Variants in SMOC2 observed in about 807,000 individuals in gnomAD.
SMOC2 encodes the protein SPARC-related modular calcium-binding protein 2.
In SMOC2, 39 loss-of-function variants were observed where a neutral mutation model predicts 61.4. The ratio of observed to expected loss-of-function variants is 0.64; its 90% confidence interval spans 0.49 to 0.83. The LOEUF (loss-of-function observed/expected upper bound fraction) is 0.83. Ranked by LOEUF, SMOC2 falls within the 40% of genes least tolerant of loss-of-function variation. SMOC2 has a pLI of 0.00. For synonymous variants in SMOC2, 247 were observed against 239.9 expected, an observed-to-expected ratio of 1.03 and a Z score of -0.27; for missense variants, 556 against 592.9, an observed-to-expected ratio of 0.94 and a Z score of 0.65.
At chr6:168,584,136 G>A (rs953254040) in intron 7 of SMOC2, among the ~76,000 whole-genome samples, 2 of 152,186 alleles carry the variant, frequency 1.3e-5, no homozygotes, top group Admixed American at 6.5e-5. Flanking sequence ...GGAAGCAGGC[G>A]ATTAAGAAGT....
chr6:168,650,471 G>A lies in SMOC2; in HGVS notation c.908-210G>A, dbSNP rs2281687. On this transcript the variant is annotated intron_variant, in intron 9 of 12. Coordinates refer to ENST00000356284, the MANE Select transcript of SMOC2 (RefSeq NM_001166412.2). The stretch of plus-strand genomic sequence containing the variant: ...TAATGCCTGTGAATTTTAGTCTCAC[G>A]TAATAATTCAAACAATAGAGGAATT... Among the ~76,000 whole-genome samples, 47,871 of 152,046 alleles carry A rather than the reference G, an allele frequency of 0.31. 7,498 individuals are homozygous for A. The highest frequency in any genetic ancestry group is 0.43 in the East Asian group (2,209 of 5,162).
At position 168,535,535 on chromosome 6, in the gene SMOC2, G is replaced by A. The variant is rs1028454373; in HGVS notation, c.463+7808G>A. Among the ~76,000 whole-genome samples the A allele has an allele frequency of 2.0e-5, 3 of 152,086 alleles. No homozygotes were observed. The highest frequency in any genetic ancestry group is 2.9e-5 in the Non-Finnish European group (2 of 68,030). ...ATTCAGAACATTCCTTTTATCAGAT[G>A]CACCTCAAATCAGGAATCCCAACTG... On this transcript the variant is annotated intron_variant, in intron 4 of 12. Coordinates refer to ENST00000356284, the MANE Select transcript of SMOC2 (RefSeq NM_001166412.2). The surrounding 1 kb of genome is among the most constrained non-coding windows in gnomAD (Gnocchi z 4.6).
intron 1 of SMOC2, among the ~76,000 whole-genome samples, chr6:168,456,682 CAG>C (rs1178678987): frequency 6.6e-6 from 1 of 152,222 alleles, no homozygotes; most frequent in African/African-American, 2.4e-5. Context: ...AGGCTGATCT[CAG>C]AGAAGCCTCC....
At chr6:168,504,268 A>G (rs1260451058) in intron 1 of SMOC2, among the ~76,000 whole-genome samples, 4 of 151,778 alleles carry the variant, frequency 2.6e-5, no homozygotes, top group Admixed American at 6.6e-5. Context: ...TGATTCAAGC[A>G]TGTTACATTT....
In SMOC2 at chr6:168,615,138, G is replaced by C. The variant is rs1421201702; in HGVS notation, c.907+6899G>C. Among the ~76,000 whole-genome samples, 34 of 13,696 alleles carry C rather than the reference G, an allele frequency of 2.5e-3. 5 individuals carry two copies. The highest frequency in any genetic ancestry group is 8.2e-3 in the African/African-American group (33 of 4,040). 9.0% of individuals were successfully genotyped at this position (13,696 alleles called of 152,430 possible). A position where few individuals can be genotyped will look rare whatever the true frequency, so the allele number is the denominator to read the frequency against. On this transcript the variant is annotated intron_variant, in intron 9 of 12. Coordinates refer to ENST00000356284, the MANE Select transcript of SMOC2 (RefSeq NM_001166412.2). ...GGGGGCCTCTTTACATCTACAGCCA[G>C]CACAGGGGGCCTCTTCACACCTACA...
chr6:168,527,594 C>T (rs993066387), intron 3 of SMOC2, 34 bp from the exon 4 acceptor site: 12 of 1,498,160 alleles, frequency 8.0e-6, no homozygotes, highest in Admixed American at 3.9e-5. Flanking sequence ...GCCACGGGCC[C>T]GGGAGGGCTT....
intron 7 of SMOC2, among the ~76,000 whole-genome samples, chr6:168,587,122 G>C (rs934041500): frequency 6.6e-6 from 1 of 152,210 alleles, no homozygotes; most frequent in Non-Finnish European, 1.5e-5. Context: ...TTTGCATTTA[G>C]GGTATAATGC....
Position 168,443,729 on chromosome 6 carries a change from A to T in SMOC2, c.84+2275A>T, listed in dbSNP as rs1220498320. Among the ~76,000 whole-genome samples, 4 of 152,118 alleles carry T rather than the reference A, an allele frequency of 2.6e-5. No homozygotes were observed. The South Asian group carries it at 8.3e-4, about 32-fold the overall frequency. On this transcript the variant is annotated intron_variant, in intron 1 of 12. Transcript: ENST00000356284. ...TTTTGGAAATCTCTTTTGTCTCCGG[A>T]GGCCCTCATTCAAAGAAGGGCCTTC...
At chr6:168,605,667 C>T (rs931388389) in intron 8 of SMOC2, among the ~76,000 whole-genome samples, 7 of 152,158 alleles carry the variant, frequency 4.6e-5, no homozygotes, top group African/African-American at 1.7e-4. Context: ...GGCTGGCTTC[C>T]TGATTGCTTC....
intron 2 of SMOC2, among the ~76,000 whole-genome samples, chr6:168,516,964 G>T (rs1036911421): frequency 1.3e-5 from 2 of 152,142 alleles, no homozygotes; most frequent in East Asian, 3.9e-4. Flanking sequence ...AAGAAAAAAG[G>T]TTACTGCCAC....
At chr6:168,490,279 A>G (rs1016677120) in intron 1 of SMOC2, among the ~76,000 whole-genome samples, 3 of 149,080 alleles carry the variant, frequency 2.0e-5, no homozygotes, top group Admixed American at 1.3e-4. Flanking sequence ...GAAATATATC[A>G]AATCGTCTGG....
intron 4 of SMOC2, among the ~76,000 whole-genome samples, chr6:168,533,584 A>G (rs1783661493): frequency 6.6e-6 from 1 of 152,162 alleles, no homozygotes; most frequent in Non-Finnish European, 1.5e-5. Flanking sequence ...TTGGTCTCCA[A>G]TGTCTCTGAA....
intron 7 of SMOC2, among the ~76,000 whole-genome samples, chr6:168,595,458 C>T (rs1029967665): frequency 1.8e-4 from 27 of 152,224 alleles, no homozygotes; most frequent in South Asian, 6.2e-4. Flanking sequence ...GAACCACCCC[C>T]GTCAGCTCTG....
chr6:168,666,755 C>T lies in SMOC2; in HGVS notation c.*317C>T, dbSNP rs918403865. 4 of 322,006 alleles carry T rather than the reference C, an allele frequency of 1.2e-5. No homozygotes were observed. Among genetic ancestry groups the T allele is most frequent in the East Asian group, 1.2e-4 (2 of 17,228 alleles). 19.9% of individuals were successfully genotyped at this position (322,006 alleles called of 1,614,324 possible). A position where few individuals can be genotyped will look rare whatever the true frequency, so the allele number is the denominator to read the frequency against. ...GTTAACAGTAGAGCTCTATGCACTC[C>T]GGCTGCAATCGTATGGCTTTCTCTA... On this transcript the variant is annotated 3_prime_UTR_variant, in exon 13 of 13. Transcript: ENST00000356284.
chr6:168,522,037 T>A (rs902425344), intron 2 of SMOC2, among the ~76,000 whole-genome samples: 3 of 152,212 alleles, frequency 2.0e-5, no homozygotes, highest in Non-Finnish European at 4.4e-5. Flanking sequence ...ACTAAATTCT[T>A]CAATTAGAAG....
intron 1 of SMOC2, among the ~76,000 whole-genome samples, chr6:168,497,055 C>T (rs1782608109): frequency 6.6e-6 from 1 of 152,216 alleles, no homozygotes; most frequent in African/African-American, 2.4e-5. Context: ...CCGCCCCTTC[C>T]TCTCAAAGCC....
intron 9 of SMOC2, among the ~76,000 whole-genome samples, chr6:168,627,806 G>C (rs1786453675): frequency 6.6e-6 from 1 of 152,168 alleles, no homozygotes; most frequent in Non-Finnish European, 1.5e-5. Context: ...CTTTCAAACT[G>C]TGCCTCCACT....
chr6:168,638,911 C>T (rs919342797), intron 9 of SMOC2, among the ~76,000 whole-genome samples: 1 of 152,166 alleles, frequency 6.6e-6, no homozygotes, highest in Non-Finnish European at 1.5e-5. Context: ...AGAAAATCTC[C>T]AGTGCCCAGC....
At chr6:168,486,036 T>C (rs1782323840) in intron 1 of SMOC2, among the ~76,000 whole-genome samples, 1 of 152,216 alleles carries the variant, frequency 6.6e-6, no homozygotes, top group Admixed American at 6.5e-5. Flanking sequence ...GCTTCTCTTT[T>C]GCATCGTTGT....
Sources: allele counts gnomAD v4.1 joint callset (sites outside exome capture counted in the v4.1 genomes callset), GRCh38; gene constraint gnomAD v4.1.1; non-coding constraint Gnocchi (gnomAD v3.1); transcripts MANE v1.5; gene names NCBI Gene and HGNC (gene_info 2026-07-23, HGNC 2026-07-21).